Variants in UNC13C observed in about 807,000 individuals in gnomAD.
The protein encoded by UNC13C is protein unc-13 homolog C.
Under a neutral mutation model 245.4 loss-of-function variants are expected in UNC13C, and 174 were observed. The ratio of observed to expected loss-of-function variants is 0.71; its 90% CI spans 0.63 to 0.80. The LOEUF (loss-of-function observed/expected upper bound fraction) is 0.80, where lower values mean the gene tolerates loss of function less well. UNC13C is among the 30% of genes least tolerant of loss of function. The pLI is 0.00. For synonymous variants in UNC13C, 992 were observed against 895.1 expected, an observed-to-expected ratio of 1.11 and a Z score of -1.93; for missense variants, 2,829 against 2,602.9, an observed-to-expected ratio of 1.09 and a Z score of -1.89.
At chr15:54,040,562 C>A (rs528544446) in intron 2 of UNC13C, among the ~76,000 whole-genome samples, 1 of 152,242 alleles carries the variant, frequency 6.6e-6, no homozygotes, top group South Asian at 2.1e-4. Context: ...CCTACACAGG[C>A]TGGGAAAGCT....
intron 2 of UNC13C, among the ~76,000 whole-genome samples, chr15:54,022,799 G>A (rs1244315009): frequency 4.6e-5 from 7 of 152,044 alleles, no homozygotes; most frequent in Non-Finnish European, 7.3e-5. Context: ...CTGTGCTTTC[G>A]GAGTCAAAGG....
At chr15:54,515,262 T>C (rs947086786) in intron 24 of UNC13C, among the ~76,000 whole-genome samples, 2 of 152,270 alleles carry the variant, frequency 1.3e-5, no homozygotes, top group African/African-American at 2.4e-5. Context: ...TACAAGTTAA[T>C]TTGCACTACA....
intron 1 of UNC13C, among the ~76,000 whole-genome samples, chr15:54,007,474 G>A (rs1566944507): frequency 6.6e-6 from 1 of 152,148 alleles, no homozygotes; most frequent in Non-Finnish European, 1.5e-5. Flanking sequence ...CATGGATGAA[G>A]GTGGAAGCCA....
chr15:54,499,475 T>C (rs935076201), intron 20 of UNC13C, among the ~76,000 whole-genome samples: 2 of 152,066 alleles, frequency 1.3e-5, no homozygotes, highest in Admixed American at 6.6e-5. Flanking sequence ...CCAATTCACA[T>C]GTATGGCATG....
chr15:53,964,341 C>A, the UNC13C span, among the ~76,000 whole-genome samples: 1 of 152,126 alleles, frequency 6.6e-6, no homozygotes, highest in Admixed American at 6.6e-5. Flanking sequence ...TCCCTAAATC[C>A]TGAATACTGT....
At chr15:54,591,301 C>T (rs1596630450) in intron 30 of UNC13C, among the ~76,000 whole-genome samples, 1 of 151,430 alleles carries the variant, frequency 6.6e-6, no homozygotes, top group East Asian at 1.9e-4. Context: ...ATGCTGGCTT[C>T]ACAGAATGAA....
At chr15:54,354,911 G>C (rs1426366782) in intron 17 of UNC13C, among the ~76,000 whole-genome samples, 2 of 152,178 alleles carry the variant, frequency 1.3e-5, no homozygotes, top group African/African-American at 4.8e-5. Flanking sequence ...CTTAAGAGGT[G>C]ATTGGGCCAC....
Position 54,526,943 on chromosome 15 carries a change from T to G in UNC13C, c.5546+1306T>G, listed in dbSNP as rs1194074442. Among the ~76,000 whole-genome samples, 5 of 151,988 alleles carry G rather than the reference T, an allele frequency of 3.3e-5. No homozygotes were observed. In the South Asian group the frequency reaches 8.3e-4, roughly 25 times the overall value. On this transcript the variant is annotated intron_variant, in intron 25 of 32. Transcript: ENST00000260323. ...TCTTAGATGTAGGAATAAAGCAGAG[T>G]GAAGAATAATCTCCCACTTAGCCTT...
At chr15:54,483,516 A>G (rs1042497387) in intron 19 of UNC13C, among the ~76,000 whole-genome samples, 2 of 151,484 alleles carry the variant, frequency 1.3e-5, no homozygotes, top group South Asian at 2.1e-4. Context: ...CTTTTTTTTG[A>G]GATGGAGTCT....
At chr15:54,449,101 C>T (rs1055507812) in intron 19 of UNC13C, among the ~76,000 whole-genome samples, 3 of 151,700 alleles carry the variant, frequency 2.0e-5, no homozygotes, top group Admixed American at 2.0e-4. Context: ...TGAATATTGG[C>T]CCCCACTCTC....
At chr15:54,064,119 T>C (rs1897967152) in intron 2 of UNC13C, among the ~76,000 whole-genome samples, 1 of 152,116 alleles carries the variant, frequency 6.6e-6, no homozygotes, top group Non-Finnish European at 1.5e-5. Context: ...TCACATTTTG[T>C]GTCTAGCTTT....
intron 19 of UNC13C, among the ~76,000 whole-genome samples, chr15:54,462,506 C>G (rs774748043): frequency 1.8e-4 from 27 of 152,340 alleles, no homozygotes; most frequent in Non-Finnish European, 2.6e-4. Context: ...CGGGCCAGCG[C>G]CAGTTCTGGG....
At chr15:54,343,897 G>GC (rs2038797756) in intron 17 of UNC13C, among the ~76,000 whole-genome samples, 1 of 124,012 alleles carries the variant, frequency 8.1e-6, no homozygotes, top group Non-Finnish European at 2.0e-5. Flanking sequence ...TTGGGGTAAG[G>GC]GGGGGTCCTG....
chr15:54,049,488 A>G (rs1897182445), intron 2 of UNC13C: 2 of 346,354 alleles, frequency 5.8e-6, no homozygotes, highest in South Asian at 5.6e-5. Flanking sequence ...CAGAGTTCAA[A>G]GATACTTTAG....
At chr15:54,055,530 A>T (rs934952893) in intron 2 of UNC13C, among the ~76,000 whole-genome samples, 1 of 152,196 alleles carries the variant, frequency 6.6e-6, no homozygotes, top group Non-Finnish European at 1.5e-5. Flanking sequence ...CAGCTGATCA[A>T]CTGAGGGATT....
the UNC13C span, among the ~76,000 whole-genome samples, chr15:53,837,972 TTTAGC>T: frequency 6.6e-6 from 1 of 152,200 alleles, no homozygotes; most frequent in Non-Finnish European, 1.5e-5. Flanking sequence ...TTTAAACTTA[TTTAGC>T]TTAATCTTAC....
At chr15:54,371,063 AC>A (rs1369777817) in intron 17 of UNC13C, among the ~76,000 whole-genome samples, 1 of 152,164 alleles carries the variant, frequency 6.6e-6, no homozygotes, top group Admixed American at 6.6e-5. Context: ...AGAATGCAAC[AC>A]ATTGTCATTA....
intron 19 of UNC13C, among the ~76,000 whole-genome samples, chr15:54,455,199 CTCTCTCTATATATA>C (rs1414402635): frequency 9.3e-4 from 36 of 38,750 alleles, no homozygotes; most frequent in African/African-American, 2.8e-3. Context: ...CTCTCTCTCT[CTCTCTCTATATATA>C]TATATATATA....
chr15:54,441,679 T>C (rs1224925208), intron 19 of UNC13C, among the ~76,000 whole-genome samples: 1 of 149,568 alleles, frequency 6.7e-6, no homozygotes. Flanking sequence ...TTGGTGTCTT[T>C]TGTGGCTACA....
Sources: gnomAD v4.1 joint callset for allele counts (sites outside exome capture counted in the v4.1 genomes callset) on GRCh38, gnomAD v4.1.1 for gene constraint, MANE v1.5 for transcripts, NCBI Gene and HGNC (gene_info 2026-07-23, HGNC 2026-07-21) for gene names.